EP400: variants seen among roughly 807,000 people sequenced by gnomAD.
The protein encoded by EP400 is E1A binding protein p400, also known as E1A-binding protein p400.
In EP400, 105 loss-of-function variants were observed where a neutral mutation model predicts 354.1. The observed-to-expected ratio is 0.30, with a 90% CI of 0.25 to 0.35. The LOEUF (loss-of-function observed/expected upper bound fraction) is 0.35. EP400 is among the 10% of genes least tolerant of loss of function. EP400 has a pLI of 1.00. For synonymous variants in EP400, 1,646 were observed against 1,716.9 expected, an observed-to-expected ratio of 0.96 and a Z score of 1.02; for missense variants, 3,280 against 4,121.0, an observed-to-expected ratio of 0.80 and a Z score of 5.59.
intron 45 of EP400, among the ~76,000 whole-genome samples, chr12:132,060,017 C>T (rs138396314): frequency 0.014 from 2,066 of 148,262 alleles, 37 homozygotes; most frequent in African/African-American, 0.04. Flanking sequence ...AGCGAGACTC[C>T]GTTAAAAAAA....
At chr12:131,957,470 GTT>G (rs1275385232) in intron 1 of EP400, among the ~76,000 whole-genome samples, 1 of 122,428 alleles carries the variant, frequency 8.2e-6, no homozygotes, top group African/African-American at 3.0e-5. Context: ...TAATGTTTTG[GTT>G]TTTTTTTTTT....
chr12:131,991,571 CTTTTCT>C, intron 10 of EP400, 115 bp downstream of exon 10: 1 of 719,370 alleles, frequency 1.4e-6, no homozygotes, highest in Non-Finnish European at 2.2e-6. Context: ...TACTTCCTTT[CTTTTCT>C]TTTTTTTTTT....
intron 32 of EP400, among the ~76,000 whole-genome samples, chr12:132,041,475 C>G (rs930017887): frequency 6.6e-6 from 1 of 152,160 alleles, no homozygotes; most frequent in Non-Finnish European, 1.5e-5. Flanking sequence ...CGTGGAGCCT[C>G]TTCCTTCGGG....
In EP400 at chr12:132,052,566, C is replaced by G. The variant is rs758545610; in HGVS notation, c.7395-580C>G. Among the ~76,000 whole-genome samples the G allele has an allele frequency of 2.0e-5, 3 of 152,256 alleles. No homozygotes were observed. The highest frequency in any genetic ancestry group is 4.4e-5 in the Non-Finnish European group (3 of 68,036). Reference sequence around the variant, plus strand: ...AGCAGCCAGTACGTCTTCAGACCCACTGCACATTTTACCTGTTTGTCGTCT... The same window carrying G: ...AGCAGCCAGTACGTCTTCAGACCCAGTGCACATTTTACCTGTTTGTCGTCT... On this transcript the variant is annotated intron_variant, in intron 41 of 52. Transcript: ENST00000389561. The surrounding 1 kb of genome is among the most constrained non-coding windows in gnomAD (Gnocchi z 4.4).
chr12:132,055,347 C>T, intron 45 of EP400, 139 bp downstream of exon 45: 1 of 741,704 alleles, frequency 1.3e-6, no homozygotes, highest in Non-Finnish European at 2.1e-6. Flanking sequence ...AAATAAGTAG[C>T]TGATCAGTAT....
chr12:131,986,745 G>C lies in EP400; in HGVS notation c.2161G>C (p.Ala721Pro). 1 of 1,614,232 alleles carries C rather than the reference G, an allele frequency of 6.2e-7. No homozygotes were observed. Among genetic ancestry groups the C allele is most frequent in the Non-Finnish European group, 8.5e-7 (1 of 1,180,054 alleles). ...TGCCCCCACCAAACCACAGAGTCCT[G>C]CTCAGAATGCCACCTCGTCCCAAGA... ...ASAPTKPQSP[A>P]QNATSSQDSS... The change falls in exon 6 of 53, where the codon GCT becomes CCT. Residue 721 changes from alanine (A) to proline (P), a missense_variant. Physicochemically the swap from Ala to Pro is conservative, Grantham distance 27 (BLOSUM62 -1). Around this residue, in one of 20 missense-constraint regions of EP400, gnomAD observed 800 missense variants for 840.0 expected, o/e 0.95. Coordinates refer to ENST00000389561, the MANE Select transcript of EP400 (RefSeq NM_015409.5).
rs1441902981 is a variant in EP400, at chr12:132,005,092, T to G, written c.2843T>G (p.Leu948Arg). The change falls in exon 13 of 53, where the codon CTG becomes CGG. Residue 948 changes from leucine to arginine, a missense_variant. Leu to Arg is a moderately radical substitution (Grantham distance 102). Around this residue, in one of 20 missense-constraint regions of EP400, gnomAD observed 800 missense variants for 840.0 expected, o/e 0.95. Coordinates refer to ENST00000389561, the MANE Select transcript of EP400 (RefSeq NM_015409.5). ...NLAKEAELPL[L>R]DLMKLYEGAF... ...CCCTCTGCAGCTGAGCTGCCCCTCC[T>G]GGACCTGATGAAGCTGTACGAAGGC... The G allele has an allele frequency of 6.3e-7, 1 of 1,584,694 alleles. No individual in the cohort carries two copies. Among genetic ancestry groups the G allele is most frequent in the East Asian group, 2.3e-5 (1 of 43,844 alleles).
At chr12:132,051,378 A>G (rs973213184) in intron 41 of EP400, among the ~76,000 whole-genome samples, 2 of 152,192 alleles carry the variant, frequency 1.3e-5, no homozygotes, top group Non-Finnish European at 2.9e-5. Flanking sequence ...CTGGGGGACC[A>G]CTACTACCAA....
intron 45 of EP400, among the ~76,000 whole-genome samples, chr12:132,055,949 C>T (rs1314042169): frequency 6.6e-6 from 1 of 151,764 alleles, no homozygotes; most frequent in Non-Finnish European, 1.5e-5. Context: ...CACGGCATCA[C>T]ACGAGGGCAT....
rs1371189034 is a variant in EP400 at position 132,028,287 on chromosome 12, A to G, written c.5380A>G (p.Arg1794Gly). ...CGESLQDVID[R>G]VAFVIPPVVA... is the part of the protein sequence containing the mutation. ...AGAGTCTCTGCAGGATGTTATTGAC[A>G]GGTACTGCAGACCTCGTGACCTTTT... Residue 1794 changes from arginine to glycine, a missense_variant and splice_region_variant, in exon 27 of 53, where the codon AGG (arginine) becomes GGG (glycine). This residue lies in a region of EP400 where 459 missense variants were observed against 496.9 expected (regional missense o/e 0.92). Transcript: ENST00000389561. The G allele has an allele frequency of 6.2e-7, 1 of 1,610,720 alleles. No homozygotes were observed. The highest frequency in any genetic ancestry group is 8.5e-7 in the Non-Finnish European group (1 of 1,176,972).
At chr12:132,020,255 G>T (rs769498963) in intron 22 of EP400, 37 bp downstream of exon 22, 7 of 1,539,150 alleles carry the variant, frequency 4.5e-6, no homozygotes, top group Non-Finnish European at 6.1e-6. Context: ...CCGCCTTATG[G>T]AGGTTTTTGT....
At chr12:131,968,427 CTT>C (rs1212369584) in intron 2 of EP400, among the ~76,000 whole-genome samples, 2 of 152,170 alleles carry the variant, frequency 1.3e-5, no homozygotes, top group African/African-American at 4.8e-5. Context: ...CTTCCCGTCT[CTT>C]TATGTGTTTT....
At chr12:132,055,601 GGTGTGTGTGAGGTGTAGGGGTT>G (rs1208440661) in intron 45 of EP400, among the ~76,000 whole-genome samples, 1 of 133,162 alleles carries the variant, frequency 7.5e-6, no homozygotes, top group Non-Finnish European at 1.6e-5. Flanking sequence ...GTGGTATAGG[GGTGTGTGTGAGGTGTAGGGGTT>G]GTGTGTGTGA....
intron 27 of EP400, 46 bp downstream of exon 27, chr12:132,028,334 C>G: frequency 6.3e-7 from 1 of 1,595,286 alleles, no homozygotes; most frequent in Non-Finnish European, 8.6e-7. Context: ...GGCTGCATTG[C>G]ACCCCGGCAA....
At position 132,013,481 on chromosome 12, in the gene EP400, T is replaced by G. The variant is rs923977353; in HGVS notation, c.3612-9T>G. On this transcript the variant is annotated splice_polypyrimidine_tract_variant and intron_variant, in intron 17 of 52. Coordinates refer to ENST00000389561, the MANE Select transcript of EP400 (RefSeq NM_015409.5). This position sits in a 1 kb window ranked among gnomAD's most constrained non-coding sequence, Gnocchi z 4.5. ...AGAACTCCAGTGTTGTCTCTTGTCC[T>G]GTTTGCAGCCAACAACGTCTGCTTC... The G allele has an allele frequency of 6.4e-7, 1 of 1,551,950 alleles. No individual in the cohort carries two copies. Among genetic ancestry groups the G allele is most frequent in the African/African-American group, 1.4e-5 (1 of 72,974 alleles).
In EP400 at chr12:132,032,055, G is replaced by A; in HGVS notation, c.5857G>A (p.Val1953Met). Residue 1953 changes from valine (V) to methionine (M), a missense_variant, in exon 30 of 53, where the codon GTG becomes ATG. Transcript: ENST00000389561. Reference protein sequence around the residue: ...GINLVEADTVVFYDNDLNPVM... With the variant: ...GINLVEADTVMFYDNDLNPVM... ...AAACCTTGTAGAGGCGGACACCGTC[G>A]TGTTTTATGACAATGACCTGAATCC... 6.2e-7 allele frequency: 1 copy of A among 1,614,186 alleles called. No individual in the cohort carries two copies. Among genetic ancestry groups the A allele is most frequent in the Non-Finnish European group, 8.5e-7 (1 of 1,180,038 alleles).
chr12:131,993,877 ACT>A (rs1429707823), intron 11 of EP400, among the ~76,000 whole-genome samples: 4 of 152,238 alleles, frequency 2.6e-5, no homozygotes, highest in Admixed American at 2.6e-4. Flanking sequence ...GTGGTGCTCA[ACT>A]GTATTGAAAC....
intron 12 of EP400, among the ~76,000 whole-genome samples, chr12:132,000,692 T>G (rs1169845179): frequency 1.3e-5 from 2 of 152,262 alleles, no homozygotes; most frequent in Admixed American, 6.5e-5. Flanking sequence ...CAGTTTTACT[T>G]GATTCTAGAT....
rs892724225 is a variant in EP400 at position 132,044,557 on chromosome 12, C to T, written c.6586-114C>T. On this transcript the variant is annotated intron_variant, in intron 35 of 52. Transcript: ENST00000389561. ...AACATTTATAAGTCTTATAAATAGT[C>T]ATGTTGATCAGAACTTATTTGAAAG... The T allele has an allele frequency of 1.8e-4, 231 of 1,312,332 alleles. 1 individual carries two copies. The South Asian group carries it at 2.4e-3, about 14-fold the overall frequency. The allele number at this position is 1,312,332 out of a possible 1,614,324, so 81.3% of individuals were successfully genotyped here. A position where few individuals can be genotyped will look rare whatever the true frequency, so the allele number is the denominator to read the frequency against.
Sources: gnomAD v4.1 joint callset for allele counts (sites outside exome capture counted in the v4.1 genomes callset) on GRCh38, gnomAD v4.1.1 for gene constraint, gnomAD v4.1.1 regional missense constraint, Gnocchi (gnomAD v3.1) non-coding constraint, MANE v1.5 for transcripts, NCBI Gene and HGNC (gene_info 2026-07-23, HGNC 2026-07-21) for gene names.